Variants in RBM12B observed in about 807,000 individuals in gnomAD.
RBM12B encodes the protein RNA-binding protein 12B.
In RBM12B, 10 loss-of-function variants were observed where a neutral mutation model predicts 34.3. That is an observed-to-expected ratio of 0.29 (90% confidence interval 0.18 to 0.49). The LOEUF is 0.49. RBM12B is among the 20% of genes least tolerant of loss of function. The pLI is 0.99. For synonymous variants in RBM12B, 477 were observed against 437.1 expected (o/e 1.09, Z -1.14); for missense variants, 1,139 against 1,262.7 (o/e 0.90, Z 1.48).
rs376918994 is a variant in RBM12B, at chr8:93,734,385, T to G, written c.2026A>C (p.Arg676=). Residue 676 remains arginine, a synonymous_variant, in exon 4 of 4, where the codon AGA becomes CGA. Transcript: ENST00000520560. ...DFRRPPEEDW[R]RPPEEDFRRP... ...CTAAAGTCCTCCTCTGGGGGCCGTC[T>G]CCAGTCCTCCTCAGGTGGCCGCCTG... 4.3e-6 allele frequency: 7 copies of G among 1,612,500 alleles called. No homozygotes were observed. In the African/African-American group the frequency reaches 6.7e-5, roughly 16 times the overall value.
rs1294958350 is a variant in RBM12B, at chr8:93,733,789, G to A, written c.2622C>T (p.Ser874=). The change falls in exon 4 of 4, where the codon AGC becomes AGT. Residue 874 remains serine (S), a synonymous_variant. Transcript: ENST00000520560. ...NFRPPGEDFR[S]PPDDFRSHRP... ...GGTGACTTCTAAAATCATCAGGCGG[G>A]CTCCTAAAATCCTCACCAGGAGGTC... is the stretch of plus-strand genomic sequence containing the variant. The A allele has an allele frequency of 6.2e-7, 1 of 1,614,132 alleles. No homozygotes were observed. Among genetic ancestry groups the A allele is most frequent in the Admixed American group, 1.7e-5 (1 of 60,030 alleles).
chr8:93,728,183 A>G lies in RBM12B; in HGVS notation c.*5222T>C, dbSNP rs776302333. 6.9e-7 allele frequency: 1 copy of G among 1,447,342 alleles called. No homozygotes were observed. The highest frequency in any genetic ancestry group is 9.2e-7 in the Non-Finnish European group (1 of 1,087,574). 89.7% of individuals were successfully genotyped at this position (1,447,342 alleles called of 1,614,324 possible). A position where few individuals can be genotyped will look rare whatever the true frequency, so the allele number is the denominator to read the frequency against. On this transcript the variant is annotated 3_prime_UTR_variant, in exon 4 of 4. Transcript: ENST00000520560. ...TTTTAAGTTAGTATTTTTATTTTAAAAAGTGTGTTAACTTTTAACAGGTAT... is the reference window on the plus strand; with the variant it reads ...TTTTAAGTTAGTATTTTTATTTTAAGAAGTGTGTTAACTTTTAACAGGTAT...
chr8:93,738,997 G>A (rs1812109876), intron 2 of RBM12B: 1 of 151,978 alleles, frequency 6.6e-6, no homozygotes, highest in South Asian at 2.1e-4. Flanking sequence ...TAAAGTATTT[G>A]CACAGTAACA....
chr8:93,733,863 C>A lies in RBM12B; in HGVS notation c.2548G>T (p.Asp850Tyr), dbSNP rs1811878217. The A allele has an allele frequency of 3.7e-6, 6 of 1,613,938 alleles. No individual in the cohort carries two copies. Among genetic ancestry groups the A allele is most frequent in the Non-Finnish European group, 4.2e-6 (5 of 1,180,004 alleles). The change falls in exon 4 of 4, where the codon GAC becomes TAC. Residue 850 changes from aspartate to tyrosine, a missense_variant. This residue lies in a region of RBM12B where 863 missense variants were observed against 869.5 expected (regional missense o/e 0.99). Coordinates refer to ENST00000520560, the MANE Select transcript of RBM12B (RefSeq NM_001377960.1). ...DEDFRQLPEE[D>Y]LREAPEEDPR... ...TCCTCCTCCGGAGCTTCCCTAAGGT[C>A]TTCCTCTGGGAGCTGCCTGAAGTCC...
Position 93,735,381 on chromosome 8 carries a change from G to T in RBM12B, c.1030C>A (p.His344Asn), listed in dbSNP as rs375172390. 2.5e-6 allele frequency: 4 copies of T among 1,613,438 alleles called. No homozygotes were observed. The highest frequency in any genetic ancestry group is 3.4e-6 in the Non-Finnish European group (4 of 1,179,692). Residue 344 changes from histidine to asparagine, a missense_variant, in exon 4 of 4, where the codon CAT becomes AAT. His to Asn is a moderately conservative substitution (Grantham distance 68, BLOSUM62 1). Around this residue, in one of 3 missense-constraint regions of RBM12B, gnomAD observed 863 missense variants for 869.5 expected, o/e 0.99. Transcript: ENST00000520560. ...GGACGATATTGTAAAACAGTCTTATGTAAACTCAGAGCGGTATTATAGTCT... is the reference window on the plus strand; with the variant it reads ...GGACGATATTGTAAAACAGTCTTATTTAAACTCAGAGCGGTATTATAGTCT... ...LKDYNTALSL[H>N]KTVLQYRPVH... is the part of the protein sequence containing the mutation.
intron 2 of RBM12B, chr8:93,740,171 T>C: frequency 5.2e-6 from 2 of 383,216 alleles, no homozygotes; most frequent in Non-Finnish European, 1.0e-5. Context: ...TTTTATAATG[T>C]AGATGTTTAA....
chr8:93,735,819 T>G lies in RBM12B; in HGVS notation c.592A>C (p.Ile198Leu). The G allele has an allele frequency of 6.2e-7, 1 of 1,614,118 alleles. No individual in the cohort carries two copies. Among genetic ancestry groups the G allele is most frequent in the Non-Finnish European group, 8.5e-7 (1 of 1,180,034 alleles). The change falls in exon 4 of 4, where the codon ATA becomes CTA. Residue 198 changes from isoleucine to leucine, a missense_variant. Transcript: ENST00000520560. ...HHDGRNNGDA[I>L]VKFASCVDAS... ...TCAACACATGAAGCAAATTTTACTA[T>G]GGCATCACCATTATTTCGGCCATCA...
Position 93,740,903 on chromosome 8 carries a change from C to G in RBM12B, c.-168G>C, listed in dbSNP as rs2130490785. ...CACCACTGCTGCCGAGTCGGACACA[C>G]AAGGCCGGAGGCTGAGGGAACTCTT... On this transcript the variant is annotated 5_prime_UTR_variant, in exon 1 of 4. Coordinates refer to ENST00000520560, the MANE Select transcript of RBM12B (RefSeq NM_001377960.1). 1 of 256,660 alleles carries G rather than the reference C, an allele frequency of 3.9e-6. No individual in the cohort carries two copies. The highest frequency in any genetic ancestry group is 2.3e-5 in the African/African-American group (1 of 44,206). The allele number at this position is 256,660 out of a possible 1,614,324, so 15.9% of individuals were successfully genotyped here.
rs544300053 is a variant in RBM12B at position 93,728,823 on chromosome 8, C to T, written c.*4582G>A. On this transcript the variant is annotated 3_prime_UTR_variant, in exon 4 of 4. Transcript: ENST00000520560. ...TAACCAAAGAGTAAAGATAATGTGA[C>T]ACTAAGTTATCAATGTTTTATGAAT... is the stretch of plus-strand genomic sequence containing the variant. 3.9e-5 allele frequency: 6 copies of T among 152,074 alleles called. No individual in the cohort carries two copies. In the East Asian group the frequency reaches 1.2e-3, roughly 29 times the overall value. The allele number at this position is 152,074 out of a possible 1,614,324, so 9.4% of individuals were successfully genotyped here. A position where few individuals can be genotyped will look rare whatever the true frequency, so the allele number is the denominator to read the frequency against.
Position 93,733,899 on chromosome 8 carries a change from G to A in RBM12B, c.2512C>T (p.Pro838Ser). 6.2e-7 allele frequency: 1 copy of A among 1,612,756 alleles called. No individual in the cohort carries two copies. Among genetic ancestry groups the A allele is most frequent in the Non-Finnish European group, 8.5e-7 (1 of 1,179,580 alleles). Residue 838 changes from proline to serine, a missense_variant, in exon 4 of 4, where the codon CCT becomes TCT. Coordinates refer to ENST00000520560, the MANE Select transcript of RBM12B (RefSeq NM_001377960.1). ...RSPQEEDFRC[P>S]SDEDFRQLPE... is the part of the protein sequence containing the mutation. ...AGCTGCCTGAAGTCCTCATCAGAAG[G>A]GCATCTAAAATCTTCCTCCTGGGGG...
Position 93,734,106 on chromosome 8 carries a change from C to T in RBM12B, c.2305G>A (p.Glu769Lys), listed in dbSNP as rs1254294009. 5 of 1,559,266 alleles carry T rather than the reference C, an allele frequency of 3.2e-6. No individual in the cohort carries two copies. The highest frequency in any genetic ancestry group is 4.3e-6 in the Non-Finnish European group (5 of 1,155,040). The change falls in exon 4 of 4, where the codon GAG becomes AAG. Residue 769 changes from glutamate to lysine, a missense_variant. Glu to Lys is a moderately conservative substitution (Grantham distance 56). Transcript: ENST00000520560. ...PPEHFRRPPPEHFRRPPPEHF... is the reference protein window; with the variant it reads ...PPEHFRRPPPKHFRRPPPEHF... ...TCCGGGGGCGGGCGCCTGAAATGCT[C>T]TGGGGGTGGCCGCCTGAAGTGCTCT... is the stretch of plus-strand genomic sequence containing the variant.
rs1456356642 is a variant in RBM12B at position 93,731,464 on chromosome 8, T to TA, written c.*1940dup. The TA allele has an allele frequency of 2.6e-5, 4 of 152,224 alleles. No homozygotes were observed. The highest frequency in any genetic ancestry group is 6.5e-5 in the Admixed American group (1 of 15,284). The allele number at this position is 152,224 out of a possible 1,614,324, so 9.4% of individuals were successfully genotyped here. A position where few individuals can be genotyped will look rare whatever the true frequency, so the allele number is the denominator to read the frequency against. ...TCAATTTAACATTATCCTAGCTACT[T>TA]ACAAGCTTATACTTTAAAGAATCAT... On this transcript the variant is annotated 3_prime_UTR_variant, in exon 4 of 4. Coordinates refer to ENST00000520560, the MANE Select transcript of RBM12B (RefSeq NM_001377960.1).
In RBM12B at chr8:93,734,458, G is replaced by C; in HGVS notation, c.1953C>G (p.Phe651Leu). Residue 651 changes from phenylalanine (F) to leucine (L), a missense_variant, in exon 4 of 4, where the codon TTC becomes TTG. Physicochemically the swap from Phe to Leu is conservative, Grantham distance 22 (BLOSUM62 0). This residue lies in a region of RBM12B where 863 missense variants were observed against 869.5 expected (regional missense o/e 0.99). Transcript: ENST00000520560. ...TTAAGTCCTCCTCAGGGGGTTGCCT[G>C]AAGTCCTCCTCGGGGAGCTGCCTGA... is the stretch of plus-strand genomic sequence containing the variant. ...EDFRQLPEED[F>L]RQPPEEDLRW... is the part of the protein sequence containing the mutation. 6.2e-7 allele frequency: 1 copy of C among 1,605,268 alleles called. No individual in the cohort carries two copies. The highest frequency in any genetic ancestry group is 8.5e-7 in the Non-Finnish European group (1 of 1,174,530).
Position 93,735,907 on chromosome 8 carries a change from T to C in RBM12B, c.504A>G (p.Glu168=), listed in dbSNP as rs1812005079. Residue 168 remains glutamate (E), a synonymous_variant, in exon 4 of 4, where the codon GAA becomes GAG. Coordinates refer to ENST00000520560, the MANE Select transcript of RBM12B (RefSeq NM_001377960.1). ...FLRGLPYLVN[E]DDVRVFFSGL... ...CAGAGAAAAAGACACGTACATCATC[T>C]TCATTTACTAGGTAAGGCAAACCTC... is the stretch of plus-strand genomic sequence containing the variant. The C allele has an allele frequency of 6.2e-7, 1 of 1,614,178 alleles. No homozygotes were observed.
Position 93,734,766 on chromosome 8 carries a change from G to T in RBM12B, c.1645C>A (p.Gln549Lys). 1 of 1,614,132 alleles carries T rather than the reference G, an allele frequency of 6.2e-7. No individual in the cohort carries two copies. The highest frequency in any genetic ancestry group is 8.5e-7 in the Non-Finnish European group (1 of 1,179,994). ...NFKHPQRDFR[Q>K]PDRHPPEDFR... ...TCTTCTGGAGGGTGCCTGTCAGGCT[G>T]CCGGAAATCCCTCTGGGGATGCTTG... The change falls in exon 4 of 4, where the codon CAG (glutamine) becomes AAG (lysine). Residue 549 changes from glutamine (Q) to lysine (K), a missense_variant. Transcript: ENST00000520560.
intron 2 of RBM12B, among the ~76,000 whole-genome samples, chr8:93,738,354 G>A (rs1480920288): frequency 6.6e-6 from 1 of 152,214 alleles, no homozygotes; most frequent in African/African-American, 2.4e-5. Context: ...CCCGTTTACT[G>A]AAAAATCTCA....
intron 2 of RBM12B, among the ~76,000 whole-genome samples, chr8:93,739,359 A>G (rs547209212): frequency 1.3e-5 from 2 of 152,358 alleles, no homozygotes; most frequent in Admixed American, 6.5e-5. Context: ...TTAACCAAGT[A>G]GTTTCATGAG....
In RBM12B at chr8:93,740,876, C is replaced by G. The variant is rs771361048; in HGVS notation, c.-146+5G>C. On this transcript the variant is annotated splice_donor_5th_base_variant and intron_variant, in intron 1 of 3. Coordinates refer to ENST00000520560, the MANE Select transcript of RBM12B (RefSeq NM_001377960.1). Reference sequence around the variant, plus strand: ...ACTGCTTCGCACTTGGCAATAAACACACACCACTGCTGCCGAGTCGGACAC... The same window carrying G: ...ACTGCTTCGCACTTGGCAATAAACAGACACCACTGCTGCCGAGTCGGACAC... 86 of 295,652 alleles carry G rather than the reference C, an allele frequency of 2.9e-4. No homozygotes were observed. Among genetic ancestry groups the G allele is most frequent in the Non-Finnish European group, 5.3e-4 (80 of 150,824 alleles). 18.3% of individuals were successfully genotyped at this position (295,652 alleles called of 1,614,324 possible). A position where few individuals can be genotyped will look rare whatever the true frequency, so the allele number is the denominator to read the frequency against.
At position 93,734,761 on chromosome 8, in the gene RBM12B, A is replaced by G. The variant is rs1811956832; in HGVS notation, c.1650T>C (p.Pro550=). The change falls in exon 4 of 4, where the codon CCT becomes CCC. Residue 550 remains proline (P), a synonymous_variant. Transcript: ENST00000520560. ...GGAAGTCTTCTGGAGGGTGCCTGTC[A>G]GGCTGCCGGAAATCCCTCTGGGGAT... The part of the protein sequence containing the change: ...FKHPQRDFRQ[P]DRHPPEDFRH... 2 of 1,614,022 alleles carry G rather than the reference A, an allele frequency of 1.2e-6. No individual in the cohort carries two copies. The highest frequency in any genetic ancestry group is 2.7e-5 in the African/African-American group (2 of 74,912).
Sources: gnomAD v4.1 joint callset for allele counts (sites outside exome capture counted in the v4.1 genomes callset) on GRCh38, gnomAD v4.1.1 for gene constraint, gnomAD v4.1.1 regional missense constraint, MANE v1.5 for transcripts, NCBI Gene and HGNC (gene_info 2026-07-23, HGNC 2026-07-21) for gene names.